LRRC56: variants seen among roughly 807,000 people sequenced by gnomAD.
The protein encoded by LRRC56 is leucine-rich repeat-containing protein 56.
In LRRC56, 41 loss-of-function variants were observed where a neutral mutation model predicts 47.8. The ratio of observed to expected loss-of-function variants is 0.86; its 90% confidence interval spans 0.67 to 1.11. LRRC56 has a LOEUF of 1.11. Ranked by LOEUF, LRRC56 falls within the 50% of genes most tolerant of loss-of-function variation. LRRC56 has a pLI of 0.00. For missense variants in LRRC56, 759 were observed against 704.2 expected (o/e 1.08, Z -0.88); for synonymous variants, 387 against 311.2 (o/e 1.24, Z -2.56).
At chr11:539,951 T>A (rs1386778792) in intron 3 of LRRC56, among the ~76,000 whole-genome samples, 1 of 152,146 alleles carries the variant, frequency 6.6e-6, no homozygotes, top group African/African-American at 2.4e-5. Flanking sequence ...CACACCTGAC[T>A]CTCTTCCTCC....
At chr11:550,837 C>T (rs1290643575) in intron 8 of LRRC56, among the ~76,000 whole-genome samples, 3 of 152,144 alleles carry the variant, frequency 2.0e-5, no homozygotes, top group South Asian at 2.1e-4. Context: ...GCTACTGCTC[C>T]GTGGGCCAGA....
chr11:511,927 C>T, the LRRC56 span, among the ~76,000 whole-genome samples: 1 of 152,076 alleles, frequency 6.6e-6, no homozygotes, highest in African/African-American at 2.4e-5. Flanking sequence ...GATCAGTTAA[C>T]TCAGTGAGGT....
the LRRC56 span, among the ~76,000 whole-genome samples, chr11:518,574 C>G: frequency 2.0e-5 from 3 of 152,258 alleles, no homozygotes; most frequent in African/African-American, 7.2e-5. Flanking sequence ...CCGGCCGCCT[C>G]CGCCTCCCAA....
At position 544,160 on chromosome 11, in the gene LRRC56, A is replaced by C. The variant is rs138185143; in HGVS notation, c.266-560A>C. On this transcript the variant is annotated intron_variant, in intron 5 of 13. Transcript: ENST00000270115. ...CTTTTCCTGGGGCCTTGGGCTGTGC[A>C]GAAACACAGGCTGGGGCGTGCAGTG... is the stretch of plus-strand genomic sequence containing the variant. Among the ~76,000 whole-genome samples the C allele has an allele frequency of 3.3e-4, 50 of 152,342 alleles. 1 individual carries two copies. Among genetic ancestry groups the C allele is most frequent in the Admixed American group, 5.2e-4 (8 of 15,302 alleles).
At chr11:528,989 T>C in the LRRC56 span, 1 of 152,258 alleles carries the variant, frequency 6.6e-6, no homozygotes, top group African/African-American at 2.4e-5. Flanking sequence ...CCCCATGGTA[T>C]GGTGACAGTC....
upstream of LRRC56, chr11:533,777 G>A (rs2133989886): frequency 1.9e-6 from 3 of 1,613,310 alleles, no homozygotes; most frequent in Middle Eastern, 1.6e-4. Context: ...TGTACTGGTG[G>A]ATGTCCTCAA....
At chr11:539,145 A>G (rs545625775) in intron 2 of LRRC56, among the ~76,000 whole-genome samples, 9 of 152,308 alleles carry the variant, frequency 5.9e-5, no homozygotes, top group African/African-American at 2.2e-4. Context: ...CAGTGGTGCC[A>G]TCTTGGCTCA....
In LRRC56 at chr11:551,234, C is replaced by A. The variant is rs752363538; in HGVS notation, c.728C>A (p.Pro243Gln). 19 of 1,546,816 alleles carry A rather than the reference C, an allele frequency of 1.2e-5. No homozygotes were observed. The highest frequency in any genetic ancestry group is 1.2e-4 in the Admixed American group (6 of 50,810). The change falls in exon 9 of 14, where the codon CCG becomes CAG. Residue 243 changes from proline (P) to glutamine (Q), a missense_variant. Physicochemically the swap from Pro to Gln is moderately conservative, Grantham distance 76 (BLOSUM62 -1). Coordinates refer to ENST00000270115, the MANE Select transcript of LRRC56 (RefSeq NM_198075.4). ...GCACACACAGGCCCACCGGCCCCCC[C>A]GCGGCTGAGCCAGGACTGGCTTGCG... is the stretch of plus-strand genomic sequence containing the variant. Reference protein sequence around the residue: ...PAAHTGPPAPPRLSQDWLAVK... With the variant: ...PAAHTGPPAPQRLSQDWLAVK...
At chr11:533,311 G>GGGGTCCCAGA (rs764755556), upstream of LRRC56, 2 of 1,602,122 alleles carry the variant, frequency 1.2e-6, no homozygotes, top group African/African-American at 1.3e-5. Flanking sequence ...TGGGTCCCGG[G>GGGGTCCCAGA]GGGTCCCAGA....
At position 554,198 on chromosome 11, in the gene LRRC56, C is replaced by T. The variant is rs145569929; in HGVS notation, c.1551C>T (p.Gly517=). The change falls in exon 14 of 14, where the codon GGC becomes GGT. Residue 517 remains glycine, a synonymous_variant. Transcript: ENST00000270115. ...RLSPRAQGCP[G]PKPAPDAAAR... ...GCCCTCGAGCCCAGGGATGTCCTGG[C>T]CCAAAGCCAGCACCAGATGCAGCAG... is the stretch of plus-strand genomic sequence containing the variant. The T allele has an allele frequency of 3.9e-6, 6 of 1,555,536 alleles. No homozygotes were observed. The highest frequency in any genetic ancestry group is 5.2e-6 in the Non-Finnish European group (6 of 1,152,138).
upstream of LRRC56, chr11:533,726 T>C (rs987229977): frequency 1.2e-6 from 2 of 1,611,504 alleles, no homozygotes; most frequent in South Asian, 1.1e-5. Context: ...TGGCCCCACC[T>C]GTGCGGCGTG....
chr11:512,030 G>A, the LRRC56 span, among the ~76,000 whole-genome samples: 11 of 151,890 alleles, frequency 7.2e-5, no homozygotes, highest in African/African-American at 2.2e-4. Flanking sequence ...TGCAACCTCC[G>A]CCTCCTGGCC....
chr11:530,037 G>C, the LRRC56 span, among the ~76,000 whole-genome samples: 2 of 152,276 alleles, frequency 1.3e-5, no homozygotes, highest in African/African-American at 4.8e-5. Context: ...CACACCCCAG[G>C]TTGTCCAGTG....
At chr11:520,964 C>T in the LRRC56 span, among the ~76,000 whole-genome samples, 13 of 152,238 alleles carry the variant, frequency 8.5e-5, no homozygotes, top group Admixed American at 5.9e-4. Context: ...ATCTCAGCTG[C>T]TGTTGACTAC....
chr11:537,889 G>C (rs1851601573), intron 1 of LRRC56, among the ~76,000 whole-genome samples: 2 of 152,232 alleles, frequency 1.3e-5, no homozygotes, highest in African/African-American at 4.8e-5. Context: ...GGGTTCCAGG[G>C]TGGGGCTCAG....
At chr11:553,040 G>C (rs1852502310) in intron 13 of LRRC56, among the ~76,000 whole-genome samples, 1 of 152,230 alleles carries the variant, frequency 6.6e-6, no homozygotes, top group African/African-American at 2.4e-5. Flanking sequence ...CCAGCAGGCA[G>C]AACATGGCCA....
intron 6 of LRRC56, among the ~76,000 whole-genome samples, chr11:547,316 C>CTT (rs113334622): frequency 4.8e-4 from 71 of 148,414 alleles, no homozygotes; most frequent in African/African-American, 9.4e-4. Context: ...GATGGCTGTA[C>CTT]TTTTTTTTTT....
chr11:533,551 A>G, upstream of LRRC56: 1 of 1,613,832 alleles, frequency 6.2e-7, no homozygotes, highest in African/African-American at 1.3e-5. Context: ...GCCAGGTCAC[A>G]CTTGTTCCCC....
the LRRC56 span, among the ~76,000 whole-genome samples, chr11:517,157 T>A: frequency 1.3e-5 from 2 of 152,394 alleles, no homozygotes; most frequent in Admixed American, 1.3e-4. Context: ...ATGCTCAGTG[T>A]TGCCAAGGCT....
Sources: gnomAD v4.1 joint callset for allele counts (sites outside exome capture counted in the v4.1 genomes callset) on GRCh38, gnomAD v4.1.1 for gene constraint, MANE v1.5 for transcripts, NCBI Gene and HGNC (gene_info 2026-07-23, HGNC 2026-07-21) for gene names.